NLRC3: variants seen among roughly 807,000 people sequenced by gnomAD.
The protein encoded by NLRC3 is NLR family CARD domain containing 3.
A neutral mutation model predicts 91.6 loss-of-function variants in NLRC3; 87 were observed. That is an observed-to-expected ratio of 0.95 (90% CI 0.80 to 1.14). The LOEUF is 1.14. Ranked by LOEUF, NLRC3 falls within the 50% of genes most tolerant of loss-of-function variation. The probability of loss-of-function intolerance (pLI) is 0.00; values close to 1 mark genes in which losing one functional copy is unlikely to be tolerated. For missense variants in NLRC3, 1,577 were observed against 1,418.6 expected (o/e 1.11, Z -1.79); for synonymous variants, 694 against 625.3 (o/e 1.11, Z -1.64).
rs190887739 is a variant in NLRC3 at position 3,541,405 on chromosome 16, G to A, written c.*420C>T. On this transcript the variant is annotated 3_prime_UTR_variant, in exon 20 of 20. Transcript: ENST00000359128. ...CCCCTACCAAACGGATGCTCCTCAC[G>A]GGCTTGAGGTGGCAGCTCATCTCAG... is the stretch of plus-strand genomic sequence containing the variant. The A allele has an allele frequency of 1.6e-4, 26 of 162,250 alleles. No individual in the cohort carries two copies. Among genetic ancestry groups the A allele is most frequent in the East Asian group, 1.3e-3 (7 of 5,590 alleles). 10.1% of individuals were successfully genotyped at this position (162,250 alleles called of 1,614,324 possible).
intron 6 of NLRC3, among the ~76,000 whole-genome samples, chr16:3,558,572 TA>T (rs560369723): frequency 2.2e-5 from 3 of 139,470 alleles, no homozygotes; most frequent in Admixed American, 7.2e-5. Flanking sequence ...ACTTTAAAAT[TA>T]AAAAAAAACC....
chr16:3,576,904 A>C (rs554958840), intron 1 of NLRC3, among the ~76,000 whole-genome samples: 3 of 152,206 alleles, frequency 2.0e-5, no homozygotes, highest in East Asian at 3.9e-4. Flanking sequence ...TCCTGACCTC[A>C]AGTGATCCGC....
chr16:3,561,977 G>A (rs139624936), intron 5 of NLRC3, among the ~76,000 whole-genome samples, 189 bp from the exon 6 acceptor site: 1 of 152,308 alleles, frequency 6.6e-6, no homozygotes, highest in African/African-American at 2.4e-5. Context: ...CACGAGACCT[G>A]CGGTTCCTGT....
chr16:3,569,417 T>TTC (rs2040018325), intron 1 of NLRC3, among the ~76,000 whole-genome samples: 1 of 126,732 alleles, frequency 7.9e-6, no homozygotes, highest in Admixed American at 7.8e-5. Flanking sequence ...TTTTTTTTTT[T>TTC]TTTTGAGGTG....
intron 1 of NLRC3, among the ~76,000 whole-genome samples, chr16:3,568,077 G>T (rs1477285830): frequency 6.6e-6 from 1 of 152,046 alleles, no homozygotes. Context: ...TGCTCACCGG[G>T]CTGGTCTTGA....
In NLRC3 at chr16:3,563,520, T is replaced by C. The variant is rs1253558920; in HGVS notation, c.1417A>G (p.Arg473Gly). 1.2e-6 allele frequency: 2 copies of C among 1,605,208 alleles called. No homozygotes were observed. Among genetic ancestry groups the C allele is most frequent in the South Asian group, 2.2e-5 (2 of 89,608 alleles). Reference sequence around the variant, plus strand: ...TCAGTGAAGAGGTCGAAGATGGCCCTCCTGGATGCGCCATAGTAATACGCG... The same window carrying C: ...TCAGTGAAGAGGTCGAAGATGGCCCCCCTGGATGCGCCATAGTAATACGCG... ...AAAYYYGASR[R>G]AIFDLFTESG... The change falls in exon 5 of 20, where the codon AGG becomes GGG. Residue 473 changes from arginine to glycine, a missense_variant. Physicochemically the swap from Arg to Gly is moderately radical, Grantham distance 125. Coordinates refer to ENST00000359128, the MANE Select transcript of NLRC3 (RefSeq NM_178844.4).
rs113059286 is a variant in NLRC3, at chr16:3,563,923, C to A, written c.1014G>T (p.Ala338=). 8.4e-4 allele frequency: 1,334 copies of A among 1,592,670 alleles called. 14 individuals are homozygous for A. In the African/African-American group the frequency reaches 0.016, roughly 19 times the overall value. ...VPAFCRLTGM[A]LGHLWRSRTG... ...TCCTGCTGCGCCACAGGTGGCCTAG[C>A]GCCATCCCCGTGAGCCTGCAGAAGG... is the stretch of plus-strand genomic sequence containing the variant. The change falls in exon 5 of 20, where the codon GCG becomes GCT. Residue 338 remains alanine, a synonymous_variant. Transcript: ENST00000359128.
At chr16:3,551,189 C>T (rs1408941757) in intron 10 of NLRC3, among the ~76,000 whole-genome samples, 1 of 151,750 alleles carries the variant, frequency 6.6e-6, no homozygotes, top group Non-Finnish European at 1.5e-5. Context: ...TCCATCCACT[C>T]ATCTACCCAC....
chr16:3,570,920 C>G (rs1028794746), intron 1 of NLRC3, among the ~76,000 whole-genome samples: 1 of 152,116 alleles, frequency 6.6e-6, no homozygotes, highest in African/African-American at 2.4e-5. Context: ...AAATGATTTT[C>G]TGATATTGAA....
intron 17 of NLRC3, chr16:3,543,012 C>G (rs2038488099): frequency 5.5e-6 from 3 of 549,558 alleles, no homozygotes; most frequent in Admixed American, 3.3e-5. Flanking sequence ...TCCTCCTCTT[C>G]CATTTCAAAC....
chr16:3,549,195 T>C lies in NLRC3; in HGVS notation c.2550A>G (p.Gly850=). The part of the protein sequence containing the change: ...SLRENSISPE[G]AQAIAHALCA... ...AGAGGGCATGAGCGATGGCCTGGGCTCCCTCGGGACTGATGGAGTTTTCTC... is the reference window on the plus strand; with the variant it reads ...AGAGGGCATGAGCGATGGCCTGGGCCCCCTCGGGACTGATGGAGTTTTCTC... Residue 850 remains glycine, a synonymous_variant, in exon 13 of 20, where the codon GGA becomes GGG. Transcript: ENST00000359128. 6.3e-7 allele frequency: 1 copy of C among 1,588,386 alleles called. No homozygotes were observed.
At chr16:3,556,676 G>C (rs543574086) in intron 8 of NLRC3, among the ~76,000 whole-genome samples, 87 of 152,170 alleles carry the variant, frequency 5.7e-4, no homozygotes, top group African/African-American at 1.9e-3. Flanking sequence ...GCTAATTTTT[G>C]TTTTTTAGTA....
At chr16:3,544,431 C>A in intron 15 of NLRC3, 102 bp from the exon 16 acceptor site, 1 of 758,572 alleles carries the variant, frequency 1.3e-6, no homozygotes, top group Admixed American at 2.0e-5. Context: ...ACTACACACA[C>A]CATAGACACT....
chr16:3,567,007 A>G (rs549769631), intron 2 of NLRC3, among the ~76,000 whole-genome samples: 1 of 152,148 alleles, frequency 6.6e-6, no homozygotes. Flanking sequence ...TTTTCTTACT[A>G]TGTTCCTGGG....
At chr16:3,558,961 A>C (rs1250951987) in intron 6 of NLRC3, among the ~76,000 whole-genome samples, 1 of 152,082 alleles carries the variant, frequency 6.6e-6, no homozygotes, top group Non-Finnish European at 1.5e-5. Context: ...TTGCAGAGAC[A>C]GGGTTTTACT....
Position 3,563,478 on chromosome 16 carries a change from GC to G in NLRC3, c.1458del (p.Trp486CysfsTer110). 1.3e-6 allele frequency: 2 copies of G among 1,588,534 alleles called. No individual in the cohort carries two copies. The highest frequency in any genetic ancestry group is 1.7e-6 in the Non-Finnish European group (2 of 1,168,006). ...AAATGCGTGAGGAAGCCCAGCCTGG[GC>G]CAGGATACGCCGCTCTCAGTGAAGA... ...FDLFTESGVS[W>X]PRLGFLTHFR... On this transcript the variant is annotated frameshift_variant, in exon 5 of 20. Transcript: ENST00000359128. LOFTEE classifies it high-confidence loss of function.
intron 10 of NLRC3, among the ~76,000 whole-genome samples, chr16:3,551,589 A>T (rs577192529): frequency 7.9e-5 from 12 of 151,498 alleles, no homozygotes; most frequent in African/African-American, 2.9e-4. Context: ...GCATCCATTC[A>T]TCCACTCATC....
At position 3,563,025 on chromosome 16, in the gene NLRC3, A is replaced by C. The variant is rs763842071; in HGVS notation, c.1912T>G (p.Tyr638Asp). ...GGTATCCACCTGAGCTTCCGGCAGT[A>C]GAGCAGCTGGGGCAGCAGGCTCTGA... ...VLQSLLPQLLYCRKLRLDTNQ... is the reference protein window; with the variant it reads ...VLQSLLPQLLDCRKLRLDTNQ... The change falls in exon 5 of 20, where the codon TAC becomes GAC. Residue 638 changes from tyrosine (Y) to aspartate (D), a missense_variant. Physicochemically the swap from Tyr to Asp is radical, Grantham distance 160. Coordinates refer to ENST00000359128, the MANE Select transcript of NLRC3 (RefSeq NM_178844.4). 1.2e-5 allele frequency: 18 copies of C among 1,554,804 alleles called. 2 individuals are homozygous for C. The South Asian group carries it at 1.8e-4, about 15-fold the overall frequency.
intron 12 of NLRC3, 116 bp from the exon 13 acceptor site, chr16:3,549,341 G>T: frequency 1.3e-6 from 1 of 769,792 alleles, no homozygotes; most frequent in Non-Finnish European, 2.2e-6. Flanking sequence ...GGGACCTAGA[G>T]TTCTGCATAG....
Sources: gnomAD v4.1 joint callset for allele counts (sites outside exome capture counted in the v4.1 genomes callset) on GRCh38, gnomAD v4.1.1 for gene constraint, MANE v1.5 for transcripts, NCBI Gene and HGNC (gene_info 2026-07-23, HGNC 2026-07-21) for gene names.